Variants in RARB observed in about 807,000 individuals in gnomAD.
RARB encodes the protein HBV-activated protein.
Under a neutral mutation model 51.9 loss-of-function variants are expected in RARB, and 17 were observed. That is an observed-to-expected ratio of 0.33 (90% CI 0.22 to 0.49). The LOEUF (loss-of-function observed/expected upper bound fraction) is 0.49, where lower values mean the gene tolerates loss of function less well. Ranked by LOEUF, RARB falls within the 20% of genes least tolerant of loss-of-function variation. The pLI is 0.99. For missense variants in RARB, 369 were observed against 550.8 expected (o/e 0.67, Z 3.30); for synonymous variants, 215 against 195.4 (o/e 1.10, Z -0.84).
intron 2 of RARB, among the ~76,000 whole-genome samples, chr3:24,994,170 A>T (rs146563630): frequency 9.2e-5 from 14 of 151,930 alleles, no homozygotes; most frequent in African/African-American, 3.1e-4. Context: ...AGCATTTGTT[A>T]TTTTTTGTCT....
rs146159349 is a variant in RARB at position 25,431,161 on chromosome 3, C to T, written c.157+2273C>T. On this transcript the variant is annotated intron_variant, in intron 1 of 7. Coordinates refer to ENST00000330688, the MANE Select transcript of RARB (RefSeq NM_000965.5). ...CCATTTTACTTAATGGCTATTTTGACGAGAAGCAGATCTGTTTTTGCTTTT... is the reference window on the plus strand; with the variant it reads ...CCATTTTACTTAATGGCTATTTTGATGAGAAGCAGATCTGTTTTTGCTTTT... 6.3e-3 allele frequency among the ~76,000 whole-genome samples: 962 copies of T among 151,896 alleles called. 14 individuals carry two copies. Among genetic ancestry groups the T allele is most frequent in the African/African-American group, 0.022 (931 of 41,430 alleles).
At chr3:25,276,265 G>A (rs932691518) in intron 5 of RARB, among the ~76,000 whole-genome samples, 6 of 152,120 alleles carry the variant, frequency 3.9e-5, no homozygotes, top group African/African-American at 1.4e-4. Flanking sequence ...GTGATCTTGA[G>A]CATTTCATCA....
chr3:24,910,905 G>C (rs2125379098), intron 2 of RARB, among the ~76,000 whole-genome samples: 1 of 152,270 alleles, frequency 6.6e-6, no homozygotes, highest in East Asian at 1.9e-4. Flanking sequence ...TGCCCAAAAG[G>C]AAAAGGAACT....
At chr3:25,545,818 A>C (rs1361538404) in intron 3 of RARB, among the ~76,000 whole-genome samples, 4 of 152,138 alleles carry the variant, frequency 2.6e-5, no homozygotes, top group African/African-American at 9.7e-5. Flanking sequence ...TGCTGGTGAT[A>C]ACATGTGAAG....
chr3:25,381,157 G>A (rs1370512174), intron 5 of RARB, among the ~76,000 whole-genome samples: 1 of 152,188 alleles, frequency 6.6e-6, no homozygotes, highest in Non-Finnish European at 1.5e-5. Context: ...ACTGTGCTCT[G>A]TTATAGTTAC....
At chr3:24,837,780 A>G (rs1236940245) in intron 1 of RARB, among the ~76,000 whole-genome samples, 1 of 152,238 alleles carries the variant, frequency 6.6e-6, no homozygotes, top group East Asian at 1.9e-4. Flanking sequence ...CAAAAAGGAA[A>G]CAGTGATTGC....
chr3:25,439,317 C>A (rs1221719237), intron 1 of RARB, among the ~76,000 whole-genome samples: 1 of 152,222 alleles, frequency 6.6e-6, no homozygotes, highest in Non-Finnish European at 1.5e-5. Flanking sequence ...CCTAAGTTAA[C>A]CATTACCATT....
intron 5 of RARB, among the ~76,000 whole-genome samples, chr3:25,243,669 G>T (rs146287992): frequency 6.6e-6 from 1 of 152,060 alleles, no homozygotes; most frequent in Non-Finnish European, 1.5e-5. Flanking sequence ...TGACTTGGTC[G>T]TGGTGGATAA....
chr3:25,557,518 T>C (rs752656688), intron 3 of RARB, among the ~76,000 whole-genome samples: 24 of 152,116 alleles, frequency 1.6e-4, no homozygotes, highest in Non-Finnish European at 2.9e-4. Context: ...CTTGGAATTC[T>C]AAGTGGAGAA....
chr3:25,068,021 C>T (rs944786721), intron 3 of RARB, among the ~76,000 whole-genome samples: 1 of 151,224 alleles, frequency 6.6e-6, no homozygotes, highest in Non-Finnish European at 1.5e-5. Flanking sequence ...CCTGTAATGC[C>T]AGCTACTCAG....
chr3:25,356,849 C>CT (rs1705756390), intron 5 of RARB, among the ~76,000 whole-genome samples: 1 of 152,068 alleles, frequency 6.6e-6, no homozygotes, highest in Non-Finnish European at 1.5e-5. Flanking sequence ...TGAACTCATT[C>CT]TTTTTTATGG....
At chr3:24,885,272 T>TTTA (rs1476304931) in intron 2 of RARB, among the ~76,000 whole-genome samples, 1 of 152,104 alleles carries the variant, frequency 6.6e-6, no homozygotes, top group Non-Finnish European at 1.5e-5. Flanking sequence ...GTAAGGAACC[T>TTTA]TTAAGTGGCT....
chr3:24,946,502 T>C (rs770205170), intron 2 of RARB, among the ~76,000 whole-genome samples: 1 of 152,004 alleles, frequency 6.6e-6, no homozygotes, highest in African/African-American at 2.4e-5. Context: ...AAGTTATTTC[T>C]AATGCAGATG....
rs75257246 is a variant in RARB, at chr3:25,306,739, T to C, written c.178+132164T>C. ...AAAAGCTGAATCTTTAATGAAAACA[T>C]AGTTGGAAAGAATGTCTGCCGTTTC... On this transcript the variant is annotated intron_variant, in intron 5 of 11. Coordinates refer to the RARB transcript ENST00000383772. Among the ~76,000 whole-genome samples, 1,282 of 152,330 alleles carry C rather than the reference T, an allele frequency of 8.4e-3. 19 individuals carry two copies. The highest frequency in any genetic ancestry group is 0.028 in the African/African-American group (1,162 of 41,570).
At chr3:25,163,504 A>AAAAAAAAAAAAAAAAAATATATAT (rs1303712411) in intron 4 of RARB, among the ~76,000 whole-genome samples, 1 of 131,092 alleles carries the variant, frequency 7.6e-6, no homozygotes, top group African/African-American at 3.2e-5. Flanking sequence ...CCTATCTCAA[A>AAAAAAAAAAAAAAAAAATATATAT]ATATATATAT....
intron 3 of RARB, among the ~76,000 whole-genome samples, chr3:25,523,691 T>C (rs1015882553): frequency 6.6e-6 from 1 of 152,212 alleles, no homozygotes; most frequent in Non-Finnish European, 1.5e-5. Flanking sequence ...AAAAAAGGCT[T>C]AACGAATGTT....
At chr3:24,922,159 G>A (rs1474074166) in intron 2 of RARB, among the ~76,000 whole-genome samples, 1 of 152,174 alleles carries the variant, frequency 6.6e-6, no homozygotes, top group Non-Finnish European at 1.5e-5. Context: ...GTTAACACAA[G>A]CTGTAGCATT....
chr3:25,359,454 T>C (rs1168861620), intron 5 of RARB, among the ~76,000 whole-genome samples: 1 of 152,036 alleles, frequency 6.6e-6, no homozygotes, highest in Non-Finnish European at 1.5e-5. Context: ...TTTCGAAGGG[T>C]TTTTCAATTC....
At chr3:25,358,600 G>T (rs1294948335) in intron 5 of RARB, among the ~76,000 whole-genome samples, 1 of 152,206 alleles carries the variant, frequency 6.6e-6, no homozygotes, top group African/African-American at 2.4e-5. Flanking sequence ...CATTCAGTAT[G>T]ATATTGGCTG....
Sources: allele counts gnomAD v4.1 joint callset (sites outside exome capture counted in the v4.1 genomes callset), GRCh38; gene constraint gnomAD v4.1.1; transcripts MANE v1.5; gene names NCBI Gene and HGNC (gene_info 2026-07-23, HGNC 2026-07-21).